Variants in ULK4 observed in about 807,000 individuals in gnomAD.
The protein encoded by ULK4 is inactive serine/threonine-protein kinase ULK4.
Under a neutral mutation model 160.6 loss-of-function variants are expected in ULK4, and 133 were observed. The observed-to-expected ratio is 0.83, with a 90% CI of 0.72 to 0.96. ULK4 has a LOEUF of 0.96. Ranked by LOEUF, ULK4 falls within the 40% of genes least tolerant of loss-of-function variation. The pLI is 0.00. For synonymous variants in ULK4, 534 were observed against 539.8 expected (o/e 0.99, Z 0.15); for missense variants, 1,580 against 1,499.5 (o/e 1.05, Z -0.89).
intron 35 of ULK4, among the ~76,000 whole-genome samples, chr3:41,312,820 A>T: frequency 6.6e-6 from 1 of 151,194 alleles, no homozygotes; most frequent in East Asian, 1.9e-4. Flanking sequence ...AAACAAAAAC[A>T]AAAACTAATC....
intron 35 of ULK4, among the ~76,000 whole-genome samples, chr3:41,292,620 CTGAG>C (rs760510456): frequency 3.3e-5 from 5 of 151,552 alleles, no homozygotes; most frequent in Non-Finnish European, 5.9e-5. Context: ...GCATTCCAGC[CTGAG>C]TGACAGAGAC....
intron 19 of ULK4, among the ~76,000 whole-genome samples, chr3:41,813,768 G>A (rs1297333269): frequency 6.6e-6 from 1 of 152,204 alleles, no homozygotes; most frequent in Non-Finnish European, 1.5e-5. Flanking sequence ...TTCTTTGTGG[G>A]TACTCACAAT....
At chr3:41,605,977 G>T (rs1191405039) in intron 31 of ULK4, among the ~76,000 whole-genome samples, 1 of 151,986 alleles carries the variant, frequency 6.6e-6, no homozygotes, top group African/African-American at 2.4e-5. Flanking sequence ...GGGAAACTAA[G>T]TAACACTTCT....
At chr3:41,662,037 G>GATAA (rs2035190087) in intron 30 of ULK4, among the ~76,000 whole-genome samples, 1 of 152,140 alleles carries the variant, frequency 6.6e-6, no homozygotes, top group African/African-American at 2.4e-5. Context: ...CTAATGAAAG[G>GATAA]ATAAAATTAG....
At chr3:41,569,115 G>C (rs529849392) in intron 31 of ULK4, among the ~76,000 whole-genome samples, 1 of 152,300 alleles carries the variant, frequency 6.6e-6, no homozygotes, top group South Asian at 2.1e-4. Flanking sequence ...CCACCCTCCA[G>C]CAACCTGTAC....
chr3:41,490,880 C>T (rs1190545401), intron 32 of ULK4, among the ~76,000 whole-genome samples: 2 of 152,084 alleles, frequency 1.3e-5, no homozygotes, highest in Non-Finnish European at 2.9e-5. Flanking sequence ...TACACAGAAA[C>T]GCTCTCAGTA....
At chr3:41,572,048 A>G (rs1174032108) in intron 31 of ULK4, among the ~76,000 whole-genome samples, 1 of 152,222 alleles carries the variant, frequency 6.6e-6, no homozygotes, top group African/African-American at 2.4e-5. Flanking sequence ...ATCTCATTCA[A>G]CCCTTACAAA....
chr3:41,491,627 A>T (rs1168264827), intron 32 of ULK4, among the ~76,000 whole-genome samples: 1 of 152,174 alleles, frequency 6.6e-6, no homozygotes, highest in Non-Finnish European at 1.5e-5. Context: ...AACACGGTAC[A>T]TTCCAGGTGG....
At chr3:41,364,660 T>G (rs532134157) in intron 35 of ULK4, among the ~76,000 whole-genome samples, 15 of 152,168 alleles carry the variant, frequency 9.9e-5, no homozygotes, top group African/African-American at 3.6e-4. Flanking sequence ...AAGGAAAAAT[T>G]AAAGAAATAG....
chr3:41,421,836 T>C (rs2082671133), intron 34 of ULK4, among the ~76,000 whole-genome samples: 1 of 152,168 alleles, frequency 6.6e-6, no homozygotes, highest in Non-Finnish European at 1.5e-5. Context: ...ACAGGAGTTG[T>C]CTACTTCTTG....
At chr3:41,593,950 T>C (rs1432048327) in intron 31 of ULK4, among the ~76,000 whole-genome samples, 2 of 149,688 alleles carry the variant, frequency 1.3e-5, no homozygotes, top group East Asian at 3.9e-4. Flanking sequence ...GGGGCTGAGG[T>C]GGGAAGATGG....
chr3:41,794,691 G>GAAAA (rs148265682), intron 20 of ULK4, among the ~76,000 whole-genome samples: 18 of 64,392 alleles, frequency 2.8e-4, no homozygotes, highest in East Asian at 1.9e-3. Flanking sequence ...AAAAAACACA[G>GAAAA]AAAAAAAAAC....
At chr3:41,720,337 T>A (rs1010511965) in intron 22 of ULK4, among the ~76,000 whole-genome samples, 1 of 152,154 alleles carries the variant, frequency 6.6e-6, no homozygotes, top group Non-Finnish European at 1.5e-5. Context: ...AGCAATTCCA[T>A]CTCATTATTC....
intron 30 of ULK4, among the ~76,000 whole-genome samples, chr3:41,628,918 CAGA>C (rs942581916): frequency 5.3e-5 from 8 of 152,168 alleles, no homozygotes; most frequent in East Asian, 3.8e-4. Context: ...ACTCTTCTCT[CAGA>C]AGAAGGATTT....
chr3:41,514,929 CA>C (rs2125926680), intron 32 of ULK4, among the ~76,000 whole-genome samples: 1 of 152,156 alleles, frequency 6.6e-6, no homozygotes, highest in East Asian at 1.9e-4. Context: ...AAGAAATATT[CA>C]AATAATTACC....
intron 21 of ULK4, among the ~76,000 whole-genome samples, chr3:41,780,712 T>C (rs1195089073): frequency 6.6e-6 from 1 of 152,164 alleles, no homozygotes; most frequent in Non-Finnish European, 1.5e-5. Context: ...TTCCAGAGTT[T>C]CCATAGAAAC....
intron 35 of ULK4, among the ~76,000 whole-genome samples, chr3:41,320,949 G>A (rs1372493637): frequency 1.3e-5 from 2 of 151,944 alleles, no homozygotes; most frequent in Admixed American, 1.3e-4. Context: ...AAATAAGCCA[G>A]GTAGGCTGCT....
intron 31 of ULK4, among the ~76,000 whole-genome samples, chr3:41,577,536 C>A (rs886880989): frequency 6.6e-6 from 1 of 151,792 alleles, no homozygotes; most frequent in Non-Finnish European, 1.5e-5. Flanking sequence ...CTATACTCAC[C>A]CTGTTGTGTT....
chr3:41,921,883 G>A (rs539085816), intron 5 of ULK4, among the ~76,000 whole-genome samples: 88 of 152,290 alleles, frequency 5.8e-4, no homozygotes, highest in African/African-American at 2.0e-3. Flanking sequence ...GCCAGATGCG[G>A]TGGCTAACAC....
Sources: allele counts gnomAD v4.1 joint callset (sites outside exome capture counted in the v4.1 genomes callset), GRCh38; gene constraint gnomAD v4.1.1; transcripts MANE v1.5; gene names NCBI Gene and HGNC (gene_info 2026-07-23, HGNC 2026-07-21).